The following ARPP21 variants were observed in gnomAD, a reference collection of about 807,000 sequenced individuals.
ARPP21 encodes cAMP regulated phosphoprotein 21, also known as cAMP-regulated phosphoprotein 21.
A neutral mutation model predicts 113.2 loss-of-function variants in ARPP21; 69 were observed. The ratio of observed to expected loss-of-function variants is 0.61; its 90% CI spans 0.50 to 0.74. ARPP21 has a LOEUF of 0.74. ARPP21 is among the 30% of genes least tolerant of loss of function. ARPP21 has a pLI of 0.00. For synonymous variants in ARPP21, 368 were observed against 375.5 expected (o/e 0.98, Z 0.23); for missense variants, 1,070 against 1,037.4 (o/e 1.03, Z -0.43).
rs77558900 is a variant in ARPP21, at chr3:35,754,055, T to G, written c.2137+10090T>G. On this transcript the variant is annotated intron_variant, in intron 19 of 20. Coordinates refer to ENST00000684406, the MANE Select transcript of ARPP21 (RefSeq NM_001385562.1). ...GATTTTTTTGCTCCTTGGGGTTGGC[T>G]GGAGATGGGGAGAAGGAGCATCAGA... is the stretch of plus-strand genomic sequence containing the variant. Among the ~76,000 whole-genome samples the G allele has an allele frequency of 4.4e-4, 67 of 151,160 alleles. No individual in the cohort carries two copies. In the East Asian group the frequency reaches 0.012, roughly 27 times the overall value.
intron 14 of ARPP21, among the ~76,000 whole-genome samples, chr3:35,725,914 C>T (rs11710519): frequency 8.5e-5 from 13 of 152,112 alleles, no homozygotes; most frequent in South Asian, 6.2e-4. Context: ...CCCTGGCCCC[C>T]GTCTGTGCCT....
intron 18 of ARPP21, among the ~76,000 whole-genome samples, chr3:35,740,868 C>A (rs2094612896): frequency 6.6e-6 from 1 of 151,706 alleles, no homozygotes; most frequent in Non-Finnish European, 1.5e-5. Flanking sequence ...GGGGCTGAGG[C>A]AAAAGGACTA....
chr3:35,669,523 C>A (rs888560139), intron 1 of ARPP21, among the ~76,000 whole-genome samples: 15 of 152,124 alleles, frequency 9.9e-5, no homozygotes, highest in African/African-American at 3.6e-4. Flanking sequence ...TTTAAACGTT[C>A]AAAACCACAC....
At chr3:35,756,991 T>C (rs549187962) in intron 19 of ARPP21, among the ~76,000 whole-genome samples, 1 of 152,236 alleles carries the variant, frequency 6.6e-6, no homozygotes, top group East Asian at 1.9e-4. Flanking sequence ...ATTACTCATT[T>C]ATGCATGGGC....
chr3:35,667,935 AAGG>A (rs2075004256), intron 1 of ARPP21, among the ~76,000 whole-genome samples: 1 of 117,544 alleles, frequency 8.5e-6, no homozygotes, highest in Non-Finnish European at 1.8e-5. Context: ...GGAGGAGGAG[AAGG>A]AGAAGAAGAA....
chr3:35,773,262 C>T (rs554173616), intron 19 of ARPP21, among the ~76,000 whole-genome samples: 1 of 152,176 alleles, frequency 6.6e-6, no homozygotes, highest in African/African-American at 2.4e-5. Flanking sequence ...AGACAGTTTG[C>T]TTAAGGGTAT....
At chr3:35,753,880 A>T (rs554231651) in intron 19 of ARPP21, among the ~76,000 whole-genome samples, 1 of 152,082 alleles carries the variant, frequency 6.6e-6, no homozygotes, top group Non-Finnish European at 1.5e-5. Flanking sequence ...AAATTTATTT[A>T]ACCAAAGCAG....
At chr3:35,793,515 G>T (rs546238815) in intron 20 of ARPP21, among the ~76,000 whole-genome samples, 186 bp from the exon 21 acceptor site, 205 of 152,282 alleles carry the variant, frequency 1.3e-3, no homozygotes, top group African/African-American at 3.7e-3. Flanking sequence ...TTATCGCAAT[G>T]GACTAGGGAA....
At chr3:35,667,864 A>G (rs1033395781) in intron 1 of ARPP21, among the ~76,000 whole-genome samples, 1 of 129,206 alleles carries the variant, frequency 7.7e-6, no homozygotes, top group African/African-American at 3.6e-5. Flanking sequence ...AAGAAGAAGA[A>G]GAAGAAGAAG....
At chr3:35,790,956 G>A (rs773792669) in intron 19 of ARPP21, among the ~76,000 whole-genome samples, 6 of 152,164 alleles carry the variant, frequency 3.9e-5, no homozygotes, top group Non-Finnish European at 7.3e-5. Flanking sequence ...TGTAGGCATA[G>A]GGCAGACCTC....
intron 19 of ARPP21, among the ~76,000 whole-genome samples, chr3:35,747,376 A>G (rs2095131482): frequency 1.3e-5 from 2 of 151,762 alleles, no homozygotes; most frequent in South Asian, 2.1e-4. Flanking sequence ...AAAAAAAAAA[A>G]AAGAACACTA....
Position 35,715,485 on chromosome 3 carries a change from A to T in ARPP21, c.935+9A>T, listed in dbSNP as rs1450047892. 1 of 1,609,862 alleles carries T rather than the reference A, an allele frequency of 6.2e-7. No homozygotes were observed. Among genetic ancestry groups the T allele is most frequent in the South Asian group, 1.1e-5 (1 of 90,936 alleles). On this transcript the variant is annotated intron_variant, in intron 12 of 20. Coordinates refer to ENST00000684406, the MANE Select transcript of ARPP21 (RefSeq NM_001385562.1). ...CTTTTTGTGGAAAACAGGTAAAATAAAATTTACTTTTCCATGTCTTTAGAG... is the reference window on the plus strand; with the variant it reads ...CTTTTTGTGGAAAACAGGTAAAATATAATTTACTTTTCCATGTCTTTAGAG...
intron 19 of ARPP21, among the ~76,000 whole-genome samples, chr3:35,791,222 T>C (rs1467136562): frequency 6.6e-6 from 1 of 152,242 alleles, no homozygotes; most frequent in African/African-American, 2.4e-5. Context: ...ATATATAGAT[T>C]ACTTATGAAT....
At chr3:35,661,331 A>G (rs1707721503) in intron 1 of ARPP21, among the ~76,000 whole-genome samples, 1 of 152,172 alleles carries the variant, frequency 6.6e-6, no homozygotes, top group East Asian at 1.9e-4. Flanking sequence ...TGTGCTGTTA[A>G]AACTTCACCT....
intron 1 of ARPP21, among the ~76,000 whole-genome samples, chr3:35,678,147 A>G (rs2077987616): frequency 6.6e-6 from 1 of 151,950 alleles, no homozygotes; most frequent in African/African-American, 2.4e-5. Context: ...CCTGGAAAGA[A>G]TTATATCTTG....
intron 15 of ARPP21, among the ~76,000 whole-genome samples, chr3:35,734,233 G>A (rs1051229345): frequency 6.6e-6 from 1 of 151,954 alleles, no homozygotes; most frequent in Admixed American, 6.6e-5. Context: ...TTAAAATATA[G>A]AACAAATGAA....
intron 13 of ARPP21, among the ~76,000 whole-genome samples, chr3:35,719,916 T>C (rs936798298): frequency 1.3e-5 from 2 of 152,244 alleles, no homozygotes; most frequent in Non-Finnish European, 1.5e-5. Flanking sequence ...AAGAATGAAG[T>C]TGAATTTGGA....
chr3:35,692,641 T>C (rs995986692), intron 9 of ARPP21, among the ~76,000 whole-genome samples: 4 of 151,698 alleles, frequency 2.6e-5, no homozygotes, highest in African/African-American at 9.7e-5. Context: ...CTGGTACATA[T>C]GTTTTAGACA....
intron 1 of ARPP21, among the ~76,000 whole-genome samples, chr3:35,673,619 G>C (rs2076854943): frequency 2.0e-5 from 3 of 152,122 alleles, no homozygotes; most frequent in South Asian, 2.1e-4. Flanking sequence ...ATATATAGGA[G>C]TAAACATGGC....
Sources: gnomAD v4.1 joint callset for allele counts (sites outside exome capture counted in the v4.1 genomes callset) on GRCh38, gnomAD v4.1.1 for gene constraint, MANE v1.5 for transcripts, NCBI Gene and HGNC (gene_info 2026-07-23, HGNC 2026-07-21) for gene names.